SPAG1: variants seen among roughly 807,000 people sequenced by gnomAD.
SPAG1 encodes sperm associated antigen 1.
A neutral mutation model predicts 100.5 loss-of-function variants in SPAG1; 69 were observed. The ratio of observed to expected loss-of-function variants is 0.69; its 90% CI spans 0.57 to 0.84. The LOEUF (loss-of-function observed/expected upper bound fraction) is 0.84, where lower values mean the gene tolerates loss of function less well. Ranked by LOEUF, SPAG1 falls within the 40% of genes least tolerant of loss-of-function variation. The pLI is 0.00. For missense variants in SPAG1, 955 were observed against 1,133.1 expected, an observed-to-expected ratio of 0.84 and a Z score of 2.26; for synonymous variants, 336 against 411.6, an observed-to-expected ratio of 0.82 and a Z score of 2.22.
Position 100,194,094 on chromosome 8 carries a change from A to T in SPAG1, c.940-18A>T. ...ATTAGAGGAAAATATTTTCTTTAAT[A>T]TGGTAATTATGTTGCAGAAAACCTT... On this transcript the variant is annotated intron_variant, in intron 9 of 18. Transcript: ENST00000388798. 1 of 1,358,984 alleles carries T rather than the reference A, an allele frequency of 7.4e-7. No individual in the cohort carries two copies. Among genetic ancestry groups the T allele is most frequent in the East Asian group, 2.3e-5 (1 of 42,572 alleles). The allele number at this position is 1,358,984 out of a possible 1,614,324, so 84.2% of individuals were successfully genotyped here.
intron 4 of SPAG1, among the ~76,000 whole-genome samples, chr8:100,181,727 C>T (rs1816374177): frequency 6.6e-6 from 1 of 152,180 alleles, no homozygotes; most frequent in Admixed American, 6.5e-5. Flanking sequence ...ACTTCTTCTC[C>T]TCTTTGTATA....
chr8:100,195,176 AAG>A (rs1554653861), intron 10 of SPAG1, among the ~76,000 whole-genome samples: 3 of 151,156 alleles, frequency 2.0e-5, no homozygotes, highest in Non-Finnish European at 1.5e-5. Flanking sequence ...AAAAAAAAAA[AAG>A]AAAAAGAAAA....
At chr8:100,209,062 ACT>A (rs1343955919) in intron 10 of SPAG1, among the ~76,000 whole-genome samples, 4 of 152,122 alleles carry the variant, frequency 2.6e-5, no homozygotes, top group African/African-American at 9.7e-5. Context: ...TGGTGGGCAC[ACT>A]CTAATCAGCT....
intron 10 of SPAG1, among the ~76,000 whole-genome samples, chr8:100,203,911 G>A (rs1333279194): frequency 6.6e-6 from 1 of 152,212 alleles, no homozygotes; most frequent in African/African-American, 2.4e-5. Flanking sequence ...CTTGCCAGGT[G>A]TCTACCGTTA....
intron 10 of SPAG1, among the ~76,000 whole-genome samples, chr8:100,202,672 T>C (rs577285399): frequency 8.3e-6 from 1 of 119,818 alleles, no homozygotes; most frequent in Non-Finnish European, 1.6e-5. Flanking sequence ...ATCGCGCCAC[T>C]GCACTCCAGC....
At chr8:100,186,660 T>C (rs1816600088) in intron 7 of SPAG1, among the ~76,000 whole-genome samples, 1 of 152,188 alleles carries the variant, frequency 6.6e-6, no homozygotes, top group Admixed American at 6.5e-5. Flanking sequence ...TTGCTAAGGT[T>C]GCCGTAACAA....
chr8:100,219,814 C>G (rs1207552561), intron 12 of SPAG1, among the ~76,000 whole-genome samples: 1 of 152,192 alleles, frequency 6.6e-6, no homozygotes, highest in Non-Finnish European at 1.5e-5. Context: ...TTTTGAAGCC[C>G]TTTTGCAGCA....
intron 10 of SPAG1, among the ~76,000 whole-genome samples, chr8:100,206,017 C>CAAAAAAAAAAAAAAAA (rs574907013): frequency 5.2e-5 from 4 of 77,348 alleles, no homozygotes; most frequent in African/African-American, 5.0e-5. Flanking sequence ...GACTCTGTCT[C>CAAAAAAAAAAAAAAAA]AAAAAAAAAA....
chr8:100,233,153 A>G (rs925399236), intron 15 of SPAG1: 10 of 378,332 alleles, frequency 2.6e-5, no homozygotes, highest in Admixed American at 2.6e-4. Context: ...AGTACTTTGC[A>G]CAGATTTTAT....
intron 15 of SPAG1, among the ~76,000 whole-genome samples, chr8:100,231,616 G>T (rs1376573291): frequency 1.3e-5 from 2 of 152,164 alleles, no homozygotes; most frequent in East Asian, 3.8e-4. Flanking sequence ...GCAGCTAGCT[G>T]GGCCTGGGCA....
chr8:100,240,376 CA>C, intron 17 of SPAG1, 26 bp from the exon 18 acceptor site: 1 of 1,556,710 alleles, frequency 6.4e-7, no homozygotes, highest in Non-Finnish European at 8.6e-7. Flanking sequence ...TTCAGTGTCA[CA>C]ATGCATTTTT....
chr8:100,214,008 G>T (rs1408373067), intron 12 of SPAG1, 90 bp downstream of exon 12: 1 of 682,644 alleles, frequency 1.5e-6, no homozygotes, highest in Non-Finnish European at 2.5e-6. Flanking sequence ...TTCTGCCTAA[G>T]GATCTAATTT....
intron 10 of SPAG1, among the ~76,000 whole-genome samples, chr8:100,203,917 C>T (rs973241944): frequency 2.0e-5 from 3 of 152,116 alleles, no homozygotes; most frequent in African/African-American, 4.8e-5. Flanking sequence ...AGGTGTCTAC[C>T]GTTAAAATAA....
At chr8:100,204,660 G>T (rs1817430386) in intron 10 of SPAG1, among the ~76,000 whole-genome samples, 2 of 152,226 alleles carry the variant, frequency 1.3e-5, no homozygotes, top group Non-Finnish European at 2.9e-5. Context: ...GATTGGGATG[G>T]TGAACTGGAT....
At chr8:100,177,690 A>G (rs1816188543) in intron 3 of SPAG1, 126 bp from the exon 4 acceptor site, 2 of 475,558 alleles carry the variant, frequency 4.2e-6, no homozygotes, top group African/African-American at 4.0e-5. Flanking sequence ...TTTTACTGAA[A>G]AAAATCCACA....
At chr8:100,166,234 C>G (rs1281326343) in intron 3 of SPAG1, among the ~76,000 whole-genome samples, 2 of 152,022 alleles carry the variant, frequency 1.3e-5, no homozygotes, top group East Asian at 1.9e-4. Flanking sequence ...ATAAATAGTG[C>G]TGTATAAACA....
At chr8:100,158,964 G>T (rs1427150551) in intron 1 of SPAG1, 1 of 134,374 alleles carries the variant, frequency 7.4e-6, no homozygotes, top group African/African-American at 2.7e-5. Flanking sequence ...TACTGCACTT[G>T]ATTAGTCAAA....
chr8:100,201,919 G>A (rs1484733302), intron 10 of SPAG1, among the ~76,000 whole-genome samples: 2 of 152,198 alleles, frequency 1.3e-5, no homozygotes, highest in Non-Finnish European at 2.9e-5. Context: ...GTTGTCTGGA[G>A]TTCAGTGAGC....
chr8:100,183,657 A>G (rs1816463548), intron 5 of SPAG1, among the ~76,000 whole-genome samples: 1 of 152,158 alleles, frequency 6.6e-6, no homozygotes, highest in Admixed American at 6.6e-5. Flanking sequence ...CAGCCAAAAA[A>G]ACTAATGTAT....
Sources: allele counts gnomAD v4.1 joint callset (sites outside exome capture counted in the v4.1 genomes callset), GRCh38; gene constraint gnomAD v4.1.1; transcripts MANE v1.5; gene names NCBI Gene and HGNC (gene_info 2026-07-23, HGNC 2026-07-21).